The following PRKAG1 variants were observed in gnomAD, a reference collection of about 807,000 sequenced individuals.
PRKAG1 encodes the protein 5'-AMP-activated protein kinase subunit gamma-1.
A neutral mutation model predicts 48.2 loss-of-function variants in PRKAG1; 27 were observed. The observed-to-expected ratio is 0.56, with a 90% confidence interval of 0.41 to 0.77. The LOEUF is 0.77. Among genes scored for constraint, PRKAG1 ranks in the 30% least tolerant of loss-of-function variants. The pLI is 0.00. For synonymous variants in PRKAG1, 130 were observed against 147.7 expected, an observed-to-expected ratio of 0.88 and a Z score of 0.87; for missense variants, 287 against 398.3, an observed-to-expected ratio of 0.72 and a Z score of 2.38.
intron 2 of PRKAG1, among the ~76,000 whole-genome samples, chr12:49,012,008 G>C (rs1442267689): frequency 6.6e-6 from 1 of 151,766 alleles, no homozygotes; most frequent in Non-Finnish European, 1.5e-5. Flanking sequence ...CAGGCATGCA[G>C]CTCCACGCCC....
intron 2 of PRKAG1, among the ~76,000 whole-genome samples, chr12:49,006,675 A>G (rs1294412247): frequency 6.6e-6 from 1 of 152,240 alleles, no homozygotes; most frequent in Non-Finnish European, 1.5e-5. Context: ...TGCACTTAAA[A>G]ATATTACATT....
chr12:49,004,724 C>T (rs1592271748), intron 7 of PRKAG1, 91 bp from the exon 8 acceptor site: 1 of 1,568,662 alleles, frequency 6.4e-7, no homozygotes, highest in African/African-American at 1.4e-5. Context: ...ACAGGGAAAA[C>T]TGATGGTTAG....
rs201861851 is a variant in PRKAG1 at position 49,005,808 on chromosome 12, A to T, written c.103T>A (p.Ser35Thr). Residue 35 changes from serine to threonine, a missense_variant, in exon 3 of 12, where the codon TCT becomes ACT. By Grantham distance (58) the Ser-to-Thr change is moderately conservative (BLOSUM62 1). Transcript: ENST00000548065. This position sits in a 1 kb window ranked among gnomAD's most constrained non-coding sequence, Gnocchi z 4.1. ...GGAATCAGGTCATAGCAGCGATGAG[A>T]CTTCATGAAGGAAGTATACACGCTA... ...NNSVYTSFMK[S>T]HRCYDLIPTS... The T allele has an allele frequency of 4.3e-6, 7 of 1,613,846 alleles. No individual in the cohort carries two copies. The highest frequency in any genetic ancestry group is 5.9e-6 in the Non-Finnish European group (7 of 1,179,842).
intron 2 of PRKAG1, chr12:49,009,375 G>C (rs1241073997): frequency 6.6e-6 from 1 of 152,082 alleles, no homozygotes; most frequent in Non-Finnish European, 1.5e-5. Flanking sequence ...GTCTCCCAAA[G>C]TGCTGGGATT....
chr12:49,003,381 C>T (rs969339501), intron 10 of PRKAG1, 91 bp from the exon 11 acceptor site: 1 of 1,563,038 alleles, frequency 6.4e-7, no homozygotes, highest in African/African-American at 1.4e-5. Context: ...GGATTCAGGG[C>T]AATTGTCAGC....
rs1941500452 is a variant in PRKAG1, at chr12:49,005,496, G to A, written c.216C>T (p.Ala72=). 6.2e-7 allele frequency: 1 copy of A among 1,613,970 alleles called. No individual in the cohort carries two copies. The highest frequency in any genetic ancestry group is 1.3e-5 in the African/African-American group (1 of 74,882). ...FALVTNGVRA[A]PLWDSKKQSF... ...TTTGCTTCTTACTATCCCATAAAGGGGCAGCTCGTACACCGTTAGTCACCA... is the reference window on the plus strand; with the variant it reads ...TTTGCTTCTTACTATCCCATAAAGGAGCAGCTCGTACACCGTTAGTCACCA... The change falls in exon 4 of 12, where the codon GCC becomes GCT. Residue 72 remains alanine, a synonymous_variant. Transcript: ENST00000548065. The surrounding 1 kb of genome is among the most constrained non-coding windows in gnomAD (Gnocchi z 4.1).
chr12:49,012,949 T>G, intron 2 of PRKAG1, 113 bp downstream of exon 2: 1 of 1,105,994 alleles, frequency 9.0e-7, no homozygotes, highest in Non-Finnish European at 1.4e-6. Context: ...TTTGGCACAT[T>G]ATCTGGCCCT....
intron 1 of PRKAG1, among the ~76,000 whole-genome samples, chr12:49,013,994 C>T (rs11168823): frequency 0.03 from 4,500 of 152,170 alleles, 228 homozygotes; most frequent in African/African-American, 0.1. Context: ...AAGCAATTCC[C>T]GTGCCTCAGC....
At position 49,011,191 on chromosome 12, in the gene PRKAG1, A is replaced by T. The variant is rs150694194; in HGVS notation, c.58+1871T>A. ...AACTGGAAGCCTACCATTGTTATTC[A>T]AACTTGAGAATTCAGACTCCCAAGA... On this transcript the variant is annotated intron_variant, in intron 2 of 11. Transcript: ENST00000548065. Among the ~76,000 whole-genome samples, 10 of 152,244 alleles carry T rather than the reference A, an allele frequency of 6.6e-5. No homozygotes were observed. The East Asian group carries it at 1.7e-3, about 26-fold the overall frequency.
chr12:49,003,988 C>G (rs1941411550), intron 8 of PRKAG1, 66 bp from the exon 9 acceptor site: 6 of 1,526,464 alleles, frequency 3.9e-6, no homozygotes, highest in South Asian at 1.3e-5. Flanking sequence ...CCCCCTCCAA[C>G]CCAGTATATT....
intron 1 of PRKAG1, chr12:49,017,591 C>T (rs764745330): frequency 6.5e-5 from 11 of 168,170 alleles, no homozygotes; most frequent in Non-Finnish European, 1.4e-4. Context: ...ATTAGAAAAT[C>T]TATATAAAAA....
At position 49,010,462 on chromosome 12, in the gene PRKAG1, A is replaced by G. The variant is rs548761406; in HGVS notation, c.58+2600T>C. Among the ~76,000 whole-genome samples the G allele has an allele frequency of 1.6e-4, 25 of 152,326 alleles. No individual in the cohort carries two copies. The East Asian group carries it at 3.3e-3, about 20-fold the overall frequency. ...AAAAGGGGGAAAGGGCTGGAGGCTC[A>G]GCATCGAGTATAGTTCACTACATGC... On this transcript the variant is annotated intron_variant, in intron 2 of 11. Transcript: ENST00000548065.
Position 49,015,294 on chromosome 12 carries a change from ATACTGTAC to A in PRKAG1, c.10-2192_10-2185del, listed in dbSNP as rs1565741318. 5.9e-5 allele frequency among the ~76,000 whole-genome samples: 9 copies of A among 152,396 alleles called. No individual in the cohort carries two copies. In the South Asian group the frequency reaches 1.9e-3, roughly 32 times the overall value. ...GTAGAATTTACCCATCATATGATAT[ATACTGTAC>A]TGTGCTACAGTTATTTTGTTCATTA... On this transcript the variant is annotated intron_variant, in intron 1 of 11. Coordinates refer to ENST00000548065, the MANE Select transcript of PRKAG1 (RefSeq NM_002733.5).
chr12:49,004,442 T>G lies in PRKAG1; in HGVS notation c.537+65A>C, dbSNP rs544361142. The G allele has an allele frequency of 6.5e-5, 103 of 1,580,648 alleles. 1 individual carries two copies. The South Asian group carries it at 1.0e-3, about 16-fold the overall frequency. On this transcript the variant is annotated intron_variant, in intron 8 of 11. Transcript: ENST00000548065. ...AACACAGTGAGACCTCGTCTCTCTT[T>G]TCAATCAATCAATCAATCAATCAAT...
intron 1 of PRKAG1, among the ~76,000 whole-genome samples, chr12:49,013,963 C>T (rs1360789617): frequency 6.6e-6 from 1 of 152,098 alleles, no homozygotes. Flanking sequence ...TGGCTCACTG[C>T]AACTGCCTCC....
chr12:49,009,506 A>T (rs1941675445), intron 2 of PRKAG1: 1 of 152,038 alleles, frequency 6.6e-6, no homozygotes, highest in Admixed American at 6.6e-5. Flanking sequence ...AATTTTTGCT[A>T]CTATATTTTT....
intron 2 of PRKAG1, among the ~76,000 whole-genome samples, chr12:49,010,492 G>A (rs938462460): frequency 6.6e-6 from 1 of 152,226 alleles, no homozygotes; most frequent in African/African-American, 2.4e-5. Context: ...ACATGCTCCT[G>A]TTTTCAGTGC....
chr12:49,018,355 G>A (rs2137693464), intron 1 of PRKAG1: 1 of 824,280 alleles, frequency 1.2e-6, no homozygotes, highest in East Asian at 5.7e-5. Context: ...GATCCCTCTG[G>A]ACGCCCCGTG....
chr12:49,004,159 G>A (rs777064357), intron 8 of PRKAG1: 2 of 547,480 alleles, frequency 3.7e-6, no homozygotes, highest in African/African-American at 1.9e-5. Context: ...AGGTGTGGTG[G>A]TACACACGTG....
Sources: gnomAD v4.1 joint callset for allele counts (sites outside exome capture counted in the v4.1 genomes callset) on GRCh38, gnomAD v4.1.1 for gene constraint, Gnocchi (gnomAD v3.1) non-coding constraint, MANE v1.5 for transcripts, NCBI Gene and HGNC (gene_info 2026-07-23, HGNC 2026-07-21) for gene names.